Variants in BACH2 observed in about 807,000 individuals in gnomAD.
The protein encoded by BACH2 is transcription regulator protein BACH2.
In BACH2, 5 loss-of-function variants were observed where a neutral mutation model predicts 61.8. The observed-to-expected ratio is 0.08, with a 90% CI of 0.04 to 0.17. The LOEUF (loss-of-function observed/expected upper bound fraction) is 0.17, where lower values mean the gene tolerates loss of function less well. Ranked by LOEUF, BACH2 falls within the 10% of genes least tolerant of loss-of-function variation. The pLI is 1.00. For missense variants in BACH2, 824 were observed against 1,091.1 expected, an observed-to-expected ratio of 0.76 and a Z score of 3.45; for synonymous variants, 446 against 440.1, an observed-to-expected ratio of 1.01 and a Z score of -0.17.
chr6:90,180,831 A>G (rs1471346409), intron 4 of BACH2, among the ~76,000 whole-genome samples: 2 of 151,610 alleles, frequency 1.3e-5, no homozygotes, highest in Non-Finnish European at 2.9e-5. Flanking sequence ...ACTCAGCCAT[A>G]AAACAGAATG....
intron 6 of BACH2, among the ~76,000 whole-genome samples, chr6:89,965,559 C>T (rs936890817): frequency 3.3e-5 from 5 of 152,226 alleles, no homozygotes; most frequent in African/African-American, 1.2e-4. Flanking sequence ...GCCTTGTACA[C>T]CCTAGAGTCT....
rs138158661 is a variant in BACH2 at position 90,005,711 on chromosome 6, C to T, written c.243+2891G>A. Among the ~76,000 whole-genome samples the T allele has an allele frequency of 5.1e-3, 779 of 152,322 alleles. 1 individual carries two copies. Among genetic ancestry groups the T allele is most frequent in the Non-Finnish European group, 8.3e-3 (565 of 68,030 alleles). On this transcript the variant is annotated intron_variant, in intron 6 of 8. Transcript: ENST00000257749. ...AATGACAGAGCCTCAAAAGAAAATG[C>T]CACTGGGGCTGGCTTGCATGTTCCA...
intron 5 of BACH2, among the ~76,000 whole-genome samples, chr6:90,014,160 C>T (rs527366690): frequency 5.0e-4 from 76 of 151,804 alleles, no homozygotes; most frequent in Middle Eastern, 3.4e-3. Context: ...ATGTTCAATA[C>T]GGAGATTTGT....
At chr6:90,143,773 G>A (rs1208306786) in intron 4 of BACH2, among the ~76,000 whole-genome samples, 1 of 152,060 alleles carries the variant, frequency 6.6e-6, no homozygotes, top group South Asian at 2.1e-4. Context: ...CCCATTGGTT[G>A]GTCAACAAAT....
chr6:90,255,384 G>A (rs1021997342), intron 2 of BACH2, among the ~76,000 whole-genome samples: 1 of 152,184 alleles, frequency 6.6e-6, no homozygotes, highest in African/African-American at 2.4e-5. Flanking sequence ...AATCTAGTAG[G>A]TGAAAGACTC....
intron 4 of BACH2, among the ~76,000 whole-genome samples, chr6:90,182,935 G>C (rs1768218934): frequency 6.6e-6 from 1 of 152,156 alleles, no homozygotes; most frequent in Non-Finnish European, 1.5e-5. Context: ...GCATGTGCAG[G>C]TTTGTTACCT....
chr6:89,934,746 G>T (rs1772905814), intron 8 of BACH2, among the ~76,000 whole-genome samples: 1 of 152,128 alleles, frequency 6.6e-6, no homozygotes, highest in East Asian at 1.9e-4. Context: ...AAGAAAAGGG[G>T]CATCTGAAGC....
intron 3 of BACH2, among the ~76,000 whole-genome samples, chr6:90,211,580 G>T (rs1014531460): frequency 7.1e-6 from 1 of 140,246 alleles, no homozygotes; most frequent in Non-Finnish European, 1.5e-5. Context: ...GCTTAAAAGT[G>T]TCAAGGGCTG....
chr6:90,042,890 G>T (rs765671484), intron 5 of BACH2, among the ~76,000 whole-genome samples: 2 of 152,194 alleles, frequency 1.3e-5, no homozygotes, highest in Non-Finnish European at 2.9e-5. Flanking sequence ...GGTAGCTCTT[G>T]TAACAGTCTA....
At chr6:90,290,837 G>A (rs768730410) in intron 1 of BACH2, among the ~76,000 whole-genome samples, 5 of 152,184 alleles carry the variant, frequency 3.3e-5, no homozygotes, top group Admixed American at 6.5e-5. Flanking sequence ...TTGGAAACTC[G>A]AAAAGCTTTC....
At chr6:90,065,269 ACTT>A in intron 5 of BACH2, among the ~76,000 whole-genome samples, 2 of 22,168 alleles carry the variant, frequency 9.0e-5, no homozygotes, top group South Asian at 2.2e-3. Context: ...TGCCGCCCCC[ACTT>A]TTTTTTTTTT....
chr6:90,036,469 A>G (rs1289831632), intron 5 of BACH2, among the ~76,000 whole-genome samples: 2 of 152,190 alleles, frequency 1.3e-5, no homozygotes, highest in East Asian at 3.8e-4. Context: ...ATTTTTTCTA[A>G]CATATTATGA....
intron 3 of BACH2, among the ~76,000 whole-genome samples, chr6:90,233,248 G>A (rs373479490): frequency 6.6e-6 from 1 of 152,330 alleles, no homozygotes; most frequent in South Asian, 2.1e-4. Context: ...GACCCCAGAA[G>A]ACACATAAGT....
chr6:90,209,001 A>T (rs1769247343), intron 3 of BACH2, among the ~76,000 whole-genome samples: 1 of 149,912 alleles, frequency 6.7e-6, no homozygotes, highest in African/African-American at 2.5e-5. Flanking sequence ...GGAGTTGAAC[A>T]ATGAGAACAT....
At chr6:90,199,919 T>C (rs1405865556) in intron 4 of BACH2, among the ~76,000 whole-genome samples, 2 of 152,208 alleles carry the variant, frequency 1.3e-5, no homozygotes, top group African/African-American at 4.8e-5. Flanking sequence ...CTGCCACATA[T>C]AAGACATAGG....
intron 6 of BACH2, among the ~76,000 whole-genome samples, chr6:89,995,833 G>A (rs1776815387): frequency 6.6e-6 from 1 of 152,152 alleles, no homozygotes; most frequent in African/African-American, 2.4e-5. Context: ...TCACTTGGGA[G>A]GCATACCCCT....
rs117370741 is a variant in BACH2, at chr6:89,966,400, C to T, written c.244-14538G>A. Among the ~76,000 whole-genome samples the T allele has an allele frequency of 4.9e-4, 75 of 152,308 alleles. 1 individual carries two copies. The East Asian group carries it at 0.012, about 24-fold the overall frequency. On this transcript the variant is annotated intron_variant, in intron 6 of 8. Coordinates refer to ENST00000257749, the MANE Select transcript of BACH2 (RefSeq NM_021813.4). ...TGATGCAATGCAGGCACCATCTGTGCTCTGTGAGGATTTAAACAGCAGCCA... is the reference window on the plus strand; with the variant it reads ...TGATGCAATGCAGGCACCATCTGTGTTCTGTGAGGATTTAAACAGCAGCCA...
At chr6:89,944,721 A>G (rs934025248) in intron 7 of BACH2, among the ~76,000 whole-genome samples, 1 of 144,226 alleles carries the variant, frequency 6.9e-6, no homozygotes, top group East Asian at 2.0e-4. Flanking sequence ...CCCCCAACAC[A>G]CTCTCTTACT....
At chr6:90,072,064 G>A (rs1280792894) in intron 5 of BACH2, among the ~76,000 whole-genome samples, 3 of 152,136 alleles carry the variant, frequency 2.0e-5, no homozygotes, top group East Asian at 1.9e-4. Flanking sequence ...AACTTCTATC[G>A]AGAAAAAAAT....
Sources: gnomAD v4.1 joint callset for allele counts (sites outside exome capture counted in the v4.1 genomes callset) on GRCh38, gnomAD v4.1.1 for gene constraint, MANE v1.5 for transcripts, NCBI Gene and HGNC (gene_info 2026-07-23, HGNC 2026-07-21) for gene names.